Variants in SACS observed in about 807,000 individuals in gnomAD.
SACS encodes the protein sacsin.
A neutral mutation model predicts 348.0 loss-of-function variants in SACS; 197 were observed. The ratio of observed to expected loss-of-function variants is 0.57; its 90% CI spans 0.50 to 0.64. The LOEUF (loss-of-function observed/expected upper bound fraction) is 0.64, where lower values mean the gene tolerates loss of function less well. Ranked by LOEUF, SACS falls within the 30% of genes least tolerant of loss-of-function variation. The pLI is 0.00. For synonymous variants in SACS, 1,985 were observed against 1,910.6 expected, an observed-to-expected ratio of 1.04 and a Z score of -1.02; for missense variants, 4,999 against 5,360.8, an observed-to-expected ratio of 0.93 and a Z score of 2.11.
chr13:23,349,161 G>A (rs942674042), intron 9 of SACS, among the ~76,000 whole-genome samples: 26 of 152,218 alleles, frequency 1.7e-4, no homozygotes, highest in African/African-American at 6.0e-4. Context: ...TGTAGACAGG[G>A]ACATCAACTG....
intron 1 of SACS, among the ~76,000 whole-genome samples, chr13:23,421,593 T>G (rs1873942306): frequency 6.6e-6 from 1 of 152,080 alleles, no homozygotes; most frequent in East Asian, 1.9e-4. Flanking sequence ...TGTCCACCTG[T>G]GACATTGTGT....
chr13:23,341,777 G>GTTT, intron 9 of SACS, 87 bp from the exon 10 acceptor site: 3 of 616,682 alleles, frequency 4.9e-6, no homozygotes, highest in Non-Finnish European at 4.9e-6. Context: ...GTACTGGAAG[G>GTTT]TTCTTTTTTT....
In SACS at chr13:23,341,069, T is replaced by C. The variant is rs1288150073; in HGVS notation, c.2807A>G (p.Gln936Arg). ...CAATTTTGTATAAGAGGAAATTCCC[T>C]GATCAGAAGAATGGTTAATGCGCTT... The part of the protein sequence containing the change: ...IFKRINHSSD[Q>R]GISSYTKLKG... Residue 936 changes from glutamine to arginine, a missense_variant, in exon 10 of 10, where the codon CAG (glutamine) becomes CGG (arginine). By Grantham distance (43) the Gln-to-Arg change is conservative. Coordinates refer to ENST00000382292, the MANE Select transcript of SACS (RefSeq NM_014363.6). 2 of 1,614,160 alleles carry C rather than the reference T, an allele frequency of 1.2e-6. No individual in the cohort carries two copies. The highest frequency in any genetic ancestry group is 1.7e-6 in the Non-Finnish European group (2 of 1,180,008).
intron 1 of SACS, among the ~76,000 whole-genome samples, chr13:23,420,995 G>A (rs573311154): frequency 1.5e-4 from 23 of 152,128 alleles, no homozygotes; most frequent in African/African-American, 5.3e-4. Flanking sequence ...CCAGAGTCCT[G>A]GGTATCCTCC....
chr13:23,429,334 T>C (rs867170189), intron 1 of SACS, among the ~76,000 whole-genome samples: 30 of 144,176 alleles, frequency 2.1e-4, no homozygotes, highest in Admixed American at 4.3e-4. Flanking sequence ...GATTCAGTCG[T>C]TGAGGTAGGG....
chr13:23,374,756 G>A (rs936021234), intron 3 of SACS, among the ~76,000 whole-genome samples: 6 of 151,944 alleles, frequency 3.9e-5, no homozygotes, highest in African/African-American at 1.5e-4. Context: ...TATATCAAAG[G>A]TGAAGATATT....
At chr13:23,412,505 C>T (rs1303895906) in intron 1 of SACS, among the ~76,000 whole-genome samples, 2 of 151,028 alleles carry the variant, frequency 1.3e-5, no homozygotes, top group African/African-American at 4.9e-5. Flanking sequence ...CATCTACCTC[C>T]CGAGTTCAAG....
intron 5 of SACS, 141 bp downstream of exon 5, chr13:23,368,261 C>T: frequency 1.6e-6 from 1 of 636,706 alleles, no homozygotes; most frequent in Non-Finnish European, 2.8e-6. Context: ...CTGCTATACA[C>T]TGCAGCCACA....
In SACS at chr13:23,356,041, G is replaced by C. The variant is rs1045433390; in HGVS notation, c.605-34C>G. The C allele has an allele frequency of 2.0e-6, 3 of 1,537,776 alleles. No individual in the cohort carries two copies. In the East Asian group the frequency reaches 7.0e-5, roughly 36 times the overall value. ...AAAAATTTAAGTCATGATCAACTCT[G>C]AAATTTTAGGGACAATTATGATTAC... On this transcript the variant is annotated intron_variant, in intron 7 of 9. Transcript: ENST00000382292.
At chr13:23,371,956 A>C (rs1204095265) in intron 3 of SACS, among the ~76,000 whole-genome samples, 1 of 152,208 alleles carries the variant, frequency 6.6e-6, no homozygotes, top group African/African-American at 2.4e-5. Flanking sequence ...ATTAAAAGAA[A>C]GCCCCAGCCT....
intron 8 of SACS, 80 bp downstream of exon 8, chr13:23,354,439 T>C: frequency 7.9e-7 from 1 of 1,263,740 alleles, no homozygotes; most frequent in Non-Finnish European, 1.1e-6. Context: ...CCATTGAATT[T>C]CACAACAAAG....
Position 23,338,098 on chromosome 13 carries a change from A to G in SACS, c.5778T>C (p.Ser1926=). Residue 1926 remains serine, a synonymous_variant, in exon 10 of 10, where the codon AGT becomes AGC. Coordinates refer to ENST00000382292, the MANE Select transcript of SACS (RefSeq NM_014363.6). ...VIVKAYLQVL[S]VLRDLATSGE... Reference sequence around the variant, plus strand: ...CACTAGTGGCCAGGTCCCGTAAGACACTCAGTACCTGTAAGTAAGCTTTCA... The same window carrying G: ...CACTAGTGGCCAGGTCCCGTAAGACGCTCAGTACCTGTAAGTAAGCTTTCA... 6.2e-7 allele frequency: 1 copy of G among 1,614,112 alleles called. No homozygotes were observed. Among genetic ancestry groups the G allele is most frequent in the South Asian group, 1.1e-5 (1 of 91,080 alleles).
In SACS at chr13:23,339,255, A is replaced by G. The variant is rs1393554696; in HGVS notation, c.4621T>C (p.Leu1541=). 3 of 1,605,762 alleles carry G rather than the reference A, an allele frequency of 1.9e-6. No homozygotes were observed. Residue 1541 remains leucine (L), a synonymous_variant, in exon 10 of 10, where the codon TTA becomes CTA. Transcript: ENST00000382292. ...TCTCCCCTTTTTAAAGATTCTCCTA[A>G]CCTAGTTATGTTCACAAAATCTGAA... ...SDSDFVNITR[L]GESLKRGEVD... is the part of the protein sequence containing the mutation.
rs1566058677 is a variant in SACS at position 23,332,942 on chromosome 13, AG to A, written c.10933del (p.Leu3645Ter). 1.9e-6 allele frequency: 3 copies of A among 1,613,982 alleles called. No homozygotes were observed. Among genetic ancestry groups the A allele is most frequent in the Non-Finnish European group, 1.7e-6 (2 of 1,179,916 alleles). On this transcript the variant is annotated frameshift_variant, in exon 10 of 10. Transcript: ENST00000382292. LOFTEE classifies it high-confidence loss of function. ...ERMDLLSGNF[L>X]KELSLIPFLC... ...GAATGGTATTAAAGATAGTTCTTTC[AG>A]AAAATTTCCAGATAACAAATCCATT...
chr13:23,410,928 T>C (rs1873456060), intron 2 of SACS, among the ~76,000 whole-genome samples: 1 of 152,212 alleles, frequency 6.6e-6, no homozygotes, highest in African/African-American at 2.4e-5. Context: ...CACTCATAGA[T>C]ACATTTTATG....
chr13:23,408,374 G>A (rs1033653188), intron 2 of SACS, among the ~76,000 whole-genome samples: 1 of 152,220 alleles, frequency 6.6e-6, no homozygotes, highest in African/African-American at 2.4e-5. Context: ...AAGCAATGGA[G>A]AAGGAGCCAG....
In SACS at chr13:23,370,519, G is replaced by A. The variant is rs754824263; in HGVS notation, c.259+559C>T. Among the ~76,000 whole-genome samples the A allele has an allele frequency of 1.2e-4, 18 of 152,154 alleles. 1 individual carries two copies. ...AGTAAGTTTTTAAGAATACAACACA[G>A]TATTGTTATTCATGGGCCCTGTACT... On this transcript the variant is annotated intron_variant, in intron 4 of 9. Coordinates refer to ENST00000382292, the MANE Select transcript of SACS (RefSeq NM_014363.6).
intron 2 of SACS, among the ~76,000 whole-genome samples, chr13:23,394,869 A>G (rs903763963): frequency 1.3e-5 from 2 of 152,130 alleles, no homozygotes; most frequent in Non-Finnish European, 2.9e-5. Flanking sequence ...ACAAACAAAG[A>G]TTCGTCATTG....
intron 2 of SACS, 153 bp from the exon 3 acceptor site, chr13:23,375,422 C>T: frequency 8.3e-7 from 1 of 1,207,370 alleles, no homozygotes; most frequent in Non-Finnish European, 1.0e-6. Flanking sequence ...TCACGGCCGG[C>T]CCTACCGCGT....
Sources: gnomAD v4.1 joint callset for allele counts (sites outside exome capture counted in the v4.1 genomes callset) on GRCh38, gnomAD v4.1.1 for gene constraint, MANE v1.5 for transcripts, NCBI Gene and HGNC (gene_info 2026-07-23, HGNC 2026-07-21) for gene names.